The following ZSWIM6 variants were observed in gnomAD, a reference collection of about 807,000 sequenced individuals.
The protein encoded by ZSWIM6 is zinc finger SWIM domain-containing protein 6.
In ZSWIM6, 9 loss-of-function variants were observed where a neutral mutation model predicts 113.2. The observed-to-expected ratio is 0.08, with a 90% CI of 0.05 to 0.14. The LOEUF is 0.14. Among genes scored for constraint, ZSWIM6 ranks in the 10% least tolerant of loss-of-function variants. ZSWIM6 has a pLI of 1.00. For synonymous variants in ZSWIM6, 611 were observed against 606.5 expected (o/e 1.01, Z -0.11); for missense variants, 1,162 against 1,552.2 (o/e 0.75, Z 4.22).
At chr5:61,350,827 T>C (rs1744768197) in intron 1 of ZSWIM6, among the ~76,000 whole-genome samples, 1 of 152,166 alleles carries the variant, frequency 6.6e-6, no homozygotes, top group East Asian at 1.9e-4. Flanking sequence ...AATTATATCT[T>C]TATCACCTCT....
At chr5:61,387,046 G>A (rs1476372332) in intron 1 of ZSWIM6, among the ~76,000 whole-genome samples, 2 of 152,132 alleles carry the variant, frequency 1.3e-5, no homozygotes, top group South Asian at 2.1e-4. Context: ...ATTCTATAGA[G>A]TTCAAAAGGA....
At chr5:61,444,119 C>G (rs1216735633) in intron 1 of ZSWIM6, among the ~76,000 whole-genome samples, 1 of 121,096 alleles carries the variant, frequency 8.3e-6, no homozygotes, top group Non-Finnish European at 1.7e-5. Context: ...CACAACAGTC[C>G]CCAGCATGTG....
At chr5:61,363,337 A>G (rs772020525) in intron 1 of ZSWIM6, among the ~76,000 whole-genome samples, 11 of 152,236 alleles carry the variant, frequency 7.2e-5, no homozygotes, top group Non-Finnish European at 1.6e-4. Flanking sequence ...ATTGTTTGTT[A>G]TATAGAATTG....
At chr5:61,333,129 G>GC (rs1319271294) in intron 1 of ZSWIM6, among the ~76,000 whole-genome samples, 181 bp downstream of exon 1, 3 of 151,468 alleles carry the variant, frequency 2.0e-5, no homozygotes, top group Non-Finnish European at 2.9e-5. Context: ...TCCCTTCCCT[G>GC]CCCCCCGTCG....
chr5:61,525,157 C>G (rs1172747690), intron 5 of ZSWIM6, among the ~76,000 whole-genome samples: 3 of 152,146 alleles, frequency 2.0e-5, no homozygotes, highest in Non-Finnish European at 4.4e-5. Context: ...GGTAAGTGCG[C>G]TGGTTTGTTT....
At chr5:61,388,243 A>G (rs1346798230) in intron 1 of ZSWIM6, among the ~76,000 whole-genome samples, 1 of 152,052 alleles carries the variant, frequency 6.6e-6, no homozygotes, top group Non-Finnish European at 1.5e-5. Flanking sequence ...TCAGCCTCAC[A>G]AAGTGCTGGG....
At chr5:61,410,403 T>TGGTTCA (rs965740320) in intron 1 of ZSWIM6, among the ~76,000 whole-genome samples, 1 of 148,850 alleles carries the variant, frequency 6.7e-6, no homozygotes, top group African/African-American at 2.5e-5. Context: ...TCTGACTCCC[T>TGGTTCA]GGTTCAGGCG....
At chr5:61,476,310 T>A (rs1747705570) in intron 2 of ZSWIM6, among the ~76,000 whole-genome samples, 1 of 152,164 alleles carries the variant, frequency 6.6e-6, no homozygotes. Flanking sequence ...GCAATTTTCT[T>A]GTAATTTATA....
At chr5:61,348,857 G>A (rs1243195475) in intron 1 of ZSWIM6, among the ~76,000 whole-genome samples, 2 of 152,150 alleles carry the variant, frequency 1.3e-5, no homozygotes, top group South Asian at 2.1e-4. Flanking sequence ...TGTCTCTCCA[G>A]TGAATGTGGG....
chr5:61,443,510 C>T (rs907995290), intron 1 of ZSWIM6, among the ~76,000 whole-genome samples: 3 of 152,022 alleles, frequency 2.0e-5, no homozygotes, highest in African/African-American at 7.2e-5. Flanking sequence ...GACCCAATAT[C>T]CAGAAAAAGT....
intron 1 of ZSWIM6, among the ~76,000 whole-genome samples, chr5:61,379,732 C>T (rs926059525): frequency 8.5e-5 from 13 of 152,142 alleles, no homozygotes; most frequent in African/African-American, 1.9e-4. Flanking sequence ...CAAAGCAGAA[C>T]GAACCTTCCT....
intron 1 of ZSWIM6, among the ~76,000 whole-genome samples, chr5:61,417,253 G>GAGTT (rs1746277143): frequency 6.6e-6 from 1 of 152,198 alleles, no homozygotes; most frequent in African/African-American, 2.4e-5. Flanking sequence ...GTTCACAAAG[G>GAGTT]AGTTCACTGC....
chr5:61,366,326 A>AT (rs1410443603), intron 1 of ZSWIM6, among the ~76,000 whole-genome samples: 4 of 152,208 alleles, frequency 2.6e-5, no homozygotes, highest in African/African-American at 9.6e-5. Flanking sequence ...ATTTGATTGG[A>AT]TGGGATAGTG....
intron 1 of ZSWIM6, among the ~76,000 whole-genome samples, chr5:61,334,558 T>G (rs1561195517): frequency 6.6e-6 from 1 of 152,184 alleles, no homozygotes; most frequent in Non-Finnish European, 1.5e-5. Flanking sequence ...AGAATTAAGA[T>G]TTGTTTTAAT....
intron 4 of ZSWIM6, among the ~76,000 whole-genome samples, chr5:61,503,035 A>G (rs776836984): frequency 6.6e-6 from 1 of 152,134 alleles, no homozygotes; most frequent in Non-Finnish European, 1.5e-5. Context: ...TTTCCTATAT[A>G]CTTTAGGGGA....
intron 1 of ZSWIM6, among the ~76,000 whole-genome samples, chr5:61,451,960 A>T (rs751171508): frequency 5.3e-5 from 8 of 152,174 alleles, no homozygotes; most frequent in Non-Finnish European, 7.4e-5. Context: ...AGTATGTATG[A>T]GTTATAAAAC....
At chr5:61,520,862 C>A (rs1749097142) in intron 4 of ZSWIM6, among the ~76,000 whole-genome samples, 1 of 152,064 alleles carries the variant, frequency 6.6e-6, no homozygotes, top group African/African-American at 2.4e-5. Context: ...GTAAATTGGA[C>A]ACTGGGATTG....
chr5:61,462,308 G>T (rs925228028), intron 1 of ZSWIM6, among the ~76,000 whole-genome samples: 2 of 152,186 alleles, frequency 1.3e-5, no homozygotes, highest in African/African-American at 4.8e-5. Context: ...AAACATTAGG[G>T]ATAAAAGGGA....
chr5:61,427,312 A>G (rs568717873), intron 1 of ZSWIM6, among the ~76,000 whole-genome samples: 1 of 152,298 alleles, frequency 6.6e-6, no homozygotes, highest in Non-Finnish European at 1.5e-5. Context: ...TATTGCATAT[A>G]TATTTGCATG....
Sources: gnomAD v4.1 joint callset for allele counts (sites outside exome capture counted in the v4.1 genomes callset) on GRCh38, gnomAD v4.1.1 for gene constraint, MANE v1.5 for transcripts, NCBI Gene and HGNC (gene_info 2026-07-23, HGNC 2026-07-21) for gene names.